Variants in DNAH11 observed in about 807,000 individuals in gnomAD.
The protein encoded by DNAH11 is axonemal beta dynein heavy chain 11.
In DNAH11, 442 loss-of-function variants were observed where a neutral mutation model predicts 526.0. That is an observed-to-expected ratio of 0.84 (90% CI 0.78 to 0.91). The LOEUF (loss-of-function observed/expected upper bound fraction) is 0.91. Ranked by LOEUF, DNAH11 falls within the 40% of genes least tolerant of loss-of-function variation. The pLI, the probability that DNAH11 is intolerant of heterozygous loss-of-function variation, is 0.00. For synonymous variants in DNAH11, 2,461 were observed against 1,935.9 expected (o/e 1.27, Z -7.12); for missense variants, 6,989 against 5,448.7 (o/e 1.28, Z -8.90).
At chr7:21,803,617 C>G (rs1339928028) in intron 62 of DNAH11, among the ~76,000 whole-genome samples, 1 of 150,310 alleles carries the variant, frequency 6.7e-6, no homozygotes, top group Non-Finnish European at 1.5e-5. Flanking sequence ...AAAAAAAAGT[C>G]TGGAAAAGTG....
chr7:21,717,986 A>G, intron 43 of DNAH11, 61 bp downstream of exon 43: 1 of 1,529,184 alleles, frequency 6.5e-7, no homozygotes, highest in Non-Finnish European at 8.8e-7. Context: ...TTGTTGATCA[A>G]GACAACAGAA....
intron 56 of DNAH11, among the ~76,000 whole-genome samples, chr7:21,775,749 C>T (rs370069695): frequency 3.9e-5 from 6 of 152,116 alleles, no homozygotes; most frequent in South Asian, 2.1e-4. Context: ...AATCAAGACC[C>T]CTTTCCATAA....
intron 59 of DNAH11, 132 bp downstream of exon 59, chr7:21,786,899 T>C: frequency 7.5e-7 from 1 of 1,334,476 alleles, no homozygotes; most frequent in Non-Finnish European, 1.0e-6. Flanking sequence ...TGTAATCTAC[T>C]GTATATGTTC....
At chr7:21,710,337 G>A (rs1180757918) in intron 40 of DNAH11, among the ~76,000 whole-genome samples, 3 of 152,132 alleles carry the variant, frequency 2.0e-5, no homozygotes, top group African/African-American at 4.8e-5. Flanking sequence ...AAGCTCAGTC[G>A]TGGAAGTTAA....
Position 21,749,740 on chromosome 7 carries a change from G to C in DNAH11, c.8736G>C (p.Leu2912=). The change falls in exon 53 of 82, where the codon CTG becomes CTC. Residue 2912 remains leucine, a synonymous_variant. Transcript: ENST00000409508. ...GAKNMPTVFL[L]TDAQVLDESF... ...AGAACATGCCCACTGTGTTCCTGCT[G>C]ACAGATGCCCAGGTTCTAGATGAGA... 1 of 1,613,984 alleles carries C rather than the reference G, an allele frequency of 6.2e-7. No individual in the cohort carries two copies. Among genetic ancestry groups the C allele is most frequent in the Non-Finnish European group, 8.5e-7 (1 of 1,179,858 alleles).
chr7:21,732,535 CT>C lies in DNAH11; in HGVS notation c.7441-3104del, dbSNP rs1335465962. ...CTATCTCATTACATCTGCAGCACCCCTATTCCCAAATAACATCACATTCTGA... is the reference window on the plus strand; with the variant it reads ...CTATCTCATTACATCTGCAGCACCCCATTCCCAAATAACATCACATTCTGA... On this transcript the variant is annotated intron_variant, in intron 45 of 81. Transcript: ENST00000409508. 5.9e-5 allele frequency among the ~76,000 whole-genome samples: 9 copies of C among 152,200 alleles called. No individual in the cohort carries two copies. In the East Asian group the frequency reaches 1.7e-3, roughly 29 times the overall value.
rs1437529038 is a variant in DNAH11, at chr7:21,581,919, T to G, written c.1608T>G (p.Asp536Glu). ...SDCTNMEFES[D>E]YVAFKSKTLE... ...GAATTTTACAGGAGTTTGAAAGTGA[T>G]TATGTGGCATTTAAGTCCAAAACTC... Residue 536 changes from aspartate (D) to glutamate (E), a missense_variant, in exon 9 of 82, where the codon GAT (aspartate) becomes GAG (glutamate). Physicochemically the swap from Asp to Glu is conservative, Grantham distance 45 (BLOSUM62 2). Coordinates refer to ENST00000409508, the MANE Select transcript of DNAH11 (RefSeq NM_001277115.2). The G allele has an allele frequency of 2.5e-6, 4 of 1,607,732 alleles. No homozygotes were observed. The South Asian group carries it at 4.5e-5, about 18-fold the overall frequency.
rs775832097 is a variant in DNAH11 at position 21,717,757 on chromosome 7, T to C, written c.6984-18T>C. ...CAAGCCTAGTGTTCAATAAAAGCTT[T>C]TCTGTGTTCCTTTTCAGGTATGTGG... is the stretch of plus-strand genomic sequence containing the variant. On this transcript the variant is annotated intron_variant, in intron 42 of 81. Coordinates refer to ENST00000409508, the MANE Select transcript of DNAH11 (RefSeq NM_001277115.2). 65 of 1,613,178 alleles carry C rather than the reference T, an allele frequency of 4.0e-5. No homozygotes were observed. The highest frequency in any genetic ancestry group is 5.0e-5 in the Non-Finnish European group (59 of 1,179,648).
At chr7:21,854,076 CT>C (rs1302970490) in intron 67 of DNAH11, among the ~76,000 whole-genome samples, 2 of 152,128 alleles carry the variant, frequency 1.3e-5, no homozygotes, top group Non-Finnish European at 2.9e-5. Context: ...TTTGTTTAAT[CT>C]GTAACCTAGA....
chr7:21,789,380 G>A, intron 61 of DNAH11, 38 bp downstream of exon 61: 3 of 1,432,214 alleles, frequency 2.1e-6, no homozygotes, highest in Non-Finnish European at 2.9e-6. Context: ...GTTCCCAAGA[G>A]GTGGTCGCTG....
chr7:21,575,090 T>C (rs543437191), intron 8 of DNAH11, among the ~76,000 whole-genome samples: 5 of 152,082 alleles, frequency 3.3e-5, no homozygotes, highest in African/African-American at 1.2e-4. Flanking sequence ...TTGGCCAGGC[T>C]GGTCTTAAAC....
At chr7:21,649,950 C>A (rs1008996764) in intron 28 of DNAH11, among the ~76,000 whole-genome samples, 22 of 152,096 alleles carry the variant, frequency 1.4e-4, no homozygotes, top group African/African-American at 5.3e-4. Context: ...CACACGTGAG[C>A]CCCCATGCCC....
At chr7:21,834,945 C>T (rs1012848838) in intron 65 of DNAH11, among the ~76,000 whole-genome samples, 1 of 152,058 alleles carries the variant, frequency 6.6e-6, no homozygotes, top group African/African-American at 2.4e-5. Context: ...AAAAACAAAA[C>T]ATAACTGATA....
chr7:21,851,559 G>A, intron 66 of DNAH11: 1 of 471,506 alleles, frequency 2.1e-6, no homozygotes, highest in South Asian at 1.5e-5. Context: ...ATGTCATAAT[G>A]GTTACTTTTC....
chr7:21,651,072 G>A (rs2128463795), intron 28 of DNAH11, among the ~76,000 whole-genome samples: 1 of 151,634 alleles, frequency 6.6e-6, no homozygotes, highest in South Asian at 2.1e-4. Context: ...ATCCACAAAA[G>A]ACCAGGGCTG....
At chr7:21,637,552 T>C in intron 26 of DNAH11, 59 bp from the exon 27 acceptor site, 2 of 1,138,292 alleles carry the variant, frequency 1.8e-6, no homozygotes, top group Non-Finnish European at 2.6e-6. Flanking sequence ...CTTGAAATGA[T>C]TAAAAGTTTA....
intron 12 of DNAH11, among the ~76,000 whole-genome samples, chr7:21,590,143 A>AT (rs950930568): frequency 2.0e-5 from 3 of 152,016 alleles, no homozygotes; most frequent in African/African-American, 4.8e-5. Flanking sequence ...TAACAATGGG[A>AT]TTTTTGTTAC....
intron 65 of DNAH11, among the ~76,000 whole-genome samples, chr7:21,835,965 A>G (rs1424517254): frequency 6.6e-6 from 1 of 152,094 alleles, no homozygotes; most frequent in East Asian, 1.9e-4. Flanking sequence ...CTATACACCA[A>G]TATTATCTGA....
At chr7:21,562,578 A>G (rs1344093476) in intron 5 of DNAH11, among the ~76,000 whole-genome samples, 5 of 152,160 alleles carry the variant, frequency 3.3e-5, no homozygotes, top group Non-Finnish European at 5.9e-5. Context: ...ACACTTCTCA[A>G]TAGAACAAGT....
Sources: gnomAD v4.1 joint callset for allele counts (sites outside exome capture counted in the v4.1 genomes callset) on GRCh38, gnomAD v4.1.1 for gene constraint, MANE v1.5 for transcripts, NCBI Gene and HGNC (gene_info 2026-07-23, HGNC 2026-07-21) for gene names.